CSTPP1: variants seen among roughly 807,000 people sequenced by gnomAD.
CSTPP1 encodes centriolar satellite-associated tubulin polyglutamylase complex regulator 1.
the CSTPP1 span, among the ~76,000 whole-genome samples, chr11:47,122,091 A>AAAAAAAATATAT: frequency 7.2e-4 from 23 of 31,836 alleles, no homozygotes; most frequent in Non-Finnish European, 8.9e-4. Context: ...AAAAAAAAAA[A>AAAAAAAATATAT]ATATATATAT....
the CSTPP1 span, among the ~76,000 whole-genome samples, chr11:47,072,564 A>G: frequency 6.6e-6 from 1 of 152,206 alleles, no homozygotes; most frequent in African/African-American, 2.4e-5. Flanking sequence ...AACCTCAGGA[A>G]AGATGTATAA....
the CSTPP1 span, chr11:47,164,125 G>A: frequency 4.5e-5 from 72 of 1,613,778 alleles, no homozygotes; most frequent in Admixed American, 6.7e-5. Context: ...CGGACCTCAC[G>A]GCAGCACAGA....
chr11:47,146,383 A>G, the CSTPP1 span, among the ~76,000 whole-genome samples: 1 of 151,634 alleles, frequency 6.6e-6, no homozygotes, highest in African/African-American at 2.4e-5. Context: ...AAAAAAAAAA[A>G]AAGAATTCCT....
chr11:47,029,338 G>A, the CSTPP1 span, among the ~76,000 whole-genome samples: 1 of 152,122 alleles, frequency 6.6e-6, no homozygotes, highest in African/African-American at 2.4e-5. Context: ...CAGGCATGGT[G>A]GCTCACTCCT....
the CSTPP1 span, among the ~76,000 whole-genome samples, chr11:47,079,608 C>T: frequency 4.6e-5 from 7 of 152,198 alleles, no homozygotes; most frequent in Admixed American, 4.6e-4. Flanking sequence ...TAAATCCACT[C>T]ACCATTAAAA....
At chr11:47,072,214 G>A in the CSTPP1 span, among the ~76,000 whole-genome samples, 2 of 152,228 alleles carry the variant, frequency 1.3e-5, no homozygotes, top group Non-Finnish European at 2.9e-5. Context: ...GAAGCTGGCT[G>A]TGGCAGCCAA....
At chr11:47,158,620 C>T in the CSTPP1 span, among the ~76,000 whole-genome samples, 3 of 152,282 alleles carry the variant, frequency 2.0e-5, no homozygotes, top group African/African-American at 7.2e-5. Context: ...ACTGCAGCCT[C>T]GACCTCCCGG....
At chr11:47,157,087 G>A in the CSTPP1 span, 1 of 1,614,160 alleles carries the variant, frequency 6.2e-7, no homozygotes, top group East Asian at 2.2e-5. Context: ...CCAACACAGT[G>A]ATTGTGCCGA....
At chr11:46,989,598 A>G in the CSTPP1 span, among the ~76,000 whole-genome samples, 2 of 152,196 alleles carry the variant, frequency 1.3e-5, no homozygotes, top group African/African-American at 4.8e-5. Flanking sequence ...ACCATGCCCA[A>G]CTGATTACCA....
At chr11:47,088,370 G>A in the CSTPP1 span, among the ~76,000 whole-genome samples, 7 of 152,080 alleles carry the variant, frequency 4.6e-5, no homozygotes, top group Non-Finnish European at 1.0e-4. Context: ...TATGAAACCG[G>A]TGTGGGTAGG....
At chr11:46,948,212 T>C in the CSTPP1 span, 29 of 451,958 alleles carry the variant, frequency 6.4e-5, no homozygotes, top group Middle Eastern at 3.3e-4. Flanking sequence ...AAAGTGAGTT[T>C]GGGCGCTTGG....
chr11:46,973,238 A>G, the CSTPP1 span, among the ~76,000 whole-genome samples: 38 of 152,152 alleles, frequency 2.5e-4, no homozygotes, highest in Admixed American at 2.4e-3. Flanking sequence ...CTATCCTAGC[A>G]TGCGCTAACC....
chr11:47,077,239 G>A, the CSTPP1 span, among the ~76,000 whole-genome samples: 106 of 144,276 alleles, frequency 7.3e-4, no homozygotes, highest in Non-Finnish European at 1.1e-3. Flanking sequence ...TGCTCTTGTC[G>A]CCCAGGCTGG....
At chr11:47,007,700 G>T in the CSTPP1 span, among the ~76,000 whole-genome samples, 1 of 151,492 alleles carries the variant, frequency 6.6e-6, no homozygotes, top group Middle Eastern at 3.2e-3. Flanking sequence ...TTGTGTATGA[G>T]TTATGTAAAT....
At chr11:47,066,235 A>G in the CSTPP1 span, among the ~76,000 whole-genome samples, 1 of 151,316 alleles carries the variant, frequency 6.6e-6, no homozygotes, top group Non-Finnish European at 1.5e-5. Flanking sequence ...GTTTTTCAGT[A>G]CAGCAGGTCC....
chr11:46,980,900 A>G, the CSTPP1 span, among the ~76,000 whole-genome samples: 1 of 152,168 alleles, frequency 6.6e-6, no homozygotes, highest in Non-Finnish European at 1.5e-5. Flanking sequence ...TAACTATTAA[A>G]TCGGCAAAAT....
At chr11:47,085,045 CA>C in the CSTPP1 span, among the ~76,000 whole-genome samples, 91 of 151,074 alleles carry the variant, frequency 6.0e-4, no homozygotes, top group African/African-American at 2.0e-3. Context: ...ACTAAAAATA[CA>C]AAAAAAAATT....
At chr11:46,999,441 A>G in the CSTPP1 span, among the ~76,000 whole-genome samples, 1 of 152,176 alleles carries the variant, frequency 6.6e-6, no homozygotes, top group Admixed American at 6.5e-5. Context: ...GCAGTATTAT[A>G]GAGTCCACTG....
At chr11:46,972,490 T>C in the CSTPP1 span, among the ~76,000 whole-genome samples, 1 of 152,180 alleles carries the variant, frequency 6.6e-6, no homozygotes, top group Admixed American at 6.5e-5. Flanking sequence ...AGTTCTTTCC[T>C]TTTTGAGCTG....
Sources: gnomAD v4.1 joint callset for allele counts (sites outside exome capture counted in the v4.1 genomes callset) on GRCh38, gnomAD v4.1.1 for gene constraint, MANE v1.5 for transcripts, NCBI Gene and HGNC (gene_info 2026-07-23, HGNC 2026-07-21) for gene names.